The following NAV3 variants were observed in gnomAD, a reference collection of about 807,000 sequenced individuals.
The protein encoded by NAV3 is pore membrane and/or filament interacting like protein 1.
A neutral mutation model predicts 244.7 loss-of-function variants in NAV3; 87 were observed. The observed-to-expected ratio is 0.36, with a 90% CI of 0.30 to 0.42. NAV3 has a LOEUF of 0.42. Ranked by LOEUF, NAV3 falls within the 20% of genes least tolerant of loss-of-function variation. The pLI, the probability that NAV3 is intolerant of heterozygous loss-of-function variation, is 1.00. For missense variants in NAV3, 2,663 were observed against 2,893.3 expected (o/e 0.92, Z 1.83); for synonymous variants, 1,126 against 1,042.2 (o/e 1.08, Z -1.55).
chr12:77,633,635 A>AT (rs1872017275), intron 2 of NAV3, among the ~76,000 whole-genome samples: 1 of 152,168 alleles, frequency 6.6e-6, no homozygotes, highest in African/African-American at 2.4e-5. Flanking sequence ...AATCCAAAAA[A>AT]ATACTATTTT....
intron 1 of NAV3, among the ~76,000 whole-genome samples, chr12:77,879,062 C>T (rs1565883362): frequency 1.3e-5 from 2 of 152,082 alleles, no homozygotes; most frequent in Non-Finnish European, 1.5e-5. Flanking sequence ...AGAAGCAGCT[C>T]TAAATATAGG....
intron 9 of NAV3, among the ~76,000 whole-genome samples, chr12:78,022,334 C>T (rs1319844206): frequency 2.0e-5 from 3 of 152,056 alleles, no homozygotes; most frequent in Admixed American, 1.3e-4. Context: ...ATATCCCAGA[C>T]ACAGTTATCA....
chr12:78,044,475 A>G (rs938769589), intron 9 of NAV3, among the ~76,000 whole-genome samples: 23 of 152,124 alleles, frequency 1.5e-4, no homozygotes, highest in African/African-American at 5.6e-4. Flanking sequence ...AATAAAGTCA[A>G]TGGTAGCTTT....
intron 2 of NAV3, among the ~76,000 whole-genome samples, chr12:77,714,509 G>A (rs747426871): frequency 6.6e-6 from 1 of 152,054 alleles, no homozygotes; most frequent in Non-Finnish European, 1.5e-5. Context: ...CTTGCTCGAG[G>A]TTTGGTTTCA....
intron 2 of NAV3, among the ~76,000 whole-genome samples, chr12:77,708,350 C>T (rs1200926073): frequency 2.0e-5 from 3 of 152,096 alleles, no homozygotes; most frequent in Non-Finnish European, 4.4e-5. Flanking sequence ...TCAGGTTTGT[C>T]AAAGATCAGA....
chr12:77,764,977 G>T (rs1251204494), intron 2 of NAV3, among the ~76,000 whole-genome samples: 4 of 152,210 alleles, frequency 2.6e-5, no homozygotes, highest in African/African-American at 9.6e-5. Flanking sequence ...TATCAGTTGT[G>T]TTATAGAAAC....
intron 2 of NAV3, among the ~76,000 whole-genome samples, chr12:77,806,026 T>C (rs1475079065): frequency 1.3e-5 from 2 of 152,186 alleles, no homozygotes; most frequent in African/African-American, 4.8e-5. Flanking sequence ...CCTTTATCAT[T>C]TTTTATTGTG....
At chr12:78,176,563 G>A in intron 26 of NAV3, 104 bp downstream of exon 26, 2 of 1,035,272 alleles carry the variant, frequency 1.9e-6, no homozygotes, top group Non-Finnish European at 2.9e-6. Flanking sequence ...TTTTAAAACA[G>A]ATTACCTTGT....
chr12:77,968,803 G>T (rs973160006), intron 5 of NAV3, 101 bp downstream of exon 5: 7 of 1,118,298 alleles, frequency 6.3e-6, no homozygotes, highest in Non-Finnish European at 9.0e-6. Context: ...GTACTCATGT[G>T]CTTGTATCAG....
chr12:78,107,068 A>C (rs1403425196), intron 12 of NAV3, among the ~76,000 whole-genome samples: 1 of 152,350 alleles, frequency 6.6e-6, no homozygotes, highest in East Asian at 1.9e-4. Context: ...ATTTTCCCAT[A>C]TGAAAGCGAA....
chr12:78,061,255 A>G (rs1368661995), intron 12 of NAV3, among the ~76,000 whole-genome samples: 1 of 152,220 alleles, frequency 6.6e-6, no homozygotes, highest in Non-Finnish European at 1.5e-5. Context: ...TGCCAGGCCT[A>G]TAAATACATG....
At position 77,742,220 on chromosome 12, in the gene NAV3, A is replaced by G. The variant is rs575244861; in HGVS notation, c.72+169954A>G. The stretch of plus-strand genomic sequence containing the variant: ...ACTTTGGGAGAGTTTTTCAAGTTTG[A>G]TGTATATGTTAGGGTTTTATCCACA... On this transcript the variant is annotated intron_variant, in intron 2 of 8. Coordinates refer to the NAV3 transcript ENST00000550042. Among the ~76,000 whole-genome samples the G allele has an allele frequency of 2.0e-5, 3 of 151,802 alleles. No individual in the cohort carries two copies. The South Asian group carries it at 6.2e-4, about 32-fold the overall frequency.
chr12:77,765,109 C>CT (rs35060972), intron 2 of NAV3, among the ~76,000 whole-genome samples: 5 of 152,210 alleles, frequency 3.3e-5, no homozygotes, highest in Non-Finnish European at 7.4e-5. Flanking sequence ...CTACTAAAAT[C>CT]TTTTTGAAAG....
At chr12:77,790,303 C>T (rs1299241778) in intron 2 of NAV3, among the ~76,000 whole-genome samples, 3 of 152,144 alleles carry the variant, frequency 2.0e-5, no homozygotes, top group Non-Finnish European at 2.9e-5. Flanking sequence ...AAAATAGTTA[C>T]GATATGTTCA....
intron 2 of NAV3, among the ~76,000 whole-genome samples, chr12:77,742,488 C>A (rs1263184079): frequency 1.3e-5 from 2 of 151,642 alleles, no homozygotes; most frequent in African/African-American, 4.8e-5. Context: ...TGCAGATGAA[C>A]CACATAGATT....
chr12:78,041,907 A>C (rs1341483893), intron 9 of NAV3, among the ~76,000 whole-genome samples: 1 of 152,126 alleles, frequency 6.6e-6, no homozygotes, highest in Non-Finnish European at 1.5e-5. Context: ...AGTGTAATTT[A>C]ATACATGCTA....
intron 1 of NAV3, among the ~76,000 whole-genome samples, chr12:77,926,997 T>C (rs1888289199): frequency 6.6e-6 from 1 of 152,242 alleles, no homozygotes; most frequent in African/African-American, 2.4e-5. Context: ...TTATAGCATG[T>C]TACTTGGTCT....
chr12:77,755,581 T>TGCTTTCCTTTCCTTTCCTC, intron 2 of NAV3, among the ~76,000 whole-genome samples: 1 of 8,432 alleles, frequency 1.2e-4, no homozygotes, highest in South Asian at 4.4e-3. Context: ...TCCTTTCCTT[T>TGCTTTCCTTTCCTTTCCTC]CCTCCCTCCC....
intron 1 of NAV3, among the ~76,000 whole-genome samples, chr12:77,846,316 A>G (rs1192639326): frequency 1.3e-5 from 2 of 152,256 alleles, no homozygotes; most frequent in Non-Finnish European, 1.5e-5. Flanking sequence ...TTGTGTTTGC[A>G]TAATGAATGA....
Sources: gnomAD v4.1 joint callset for allele counts (sites outside exome capture counted in the v4.1 genomes callset) on GRCh38, gnomAD v4.1.1 for gene constraint, MANE v1.5 for transcripts, NCBI Gene and HGNC (gene_info 2026-07-23, HGNC 2026-07-21) for gene names.